KLHL1: variants seen among roughly 807,000 people sequenced by gnomAD.
KLHL1 encodes kelch-like protein 1.
A neutral mutation model predicts 77.7 loss-of-function variants in KLHL1; 47 were observed. The observed-to-expected ratio is 0.60, with a 90% CI of 0.48 to 0.77. KLHL1 has a LOEUF of 0.77. Among genes scored for constraint, KLHL1 ranks in the 30% least tolerant of loss-of-function variants. The probability of loss-of-function intolerance (pLI) is 0.00; values close to 1 mark genes in which losing one functional copy is unlikely to be tolerated. For synonymous variants in KLHL1, 360 were observed against 325.2 expected (o/e 1.11, Z -1.15); for missense variants, 925 against 910.8 (o/e 1.02, Z -0.20).
At chr13:70,073,839 T>G (rs1887198120) in intron 1 of KLHL1, among the ~76,000 whole-genome samples, 1 of 151,944 alleles carries the variant, frequency 6.6e-6, no homozygotes, top group Non-Finnish European at 1.5e-5. Context: ...TTTCTTTTTT[T>G]TTTGAGATGG....
At chr13:69,961,231 C>A in intron 3 of KLHL1, 77 bp downstream of exon 3, 7 of 1,358,206 alleles carry the variant, frequency 5.2e-6, no homozygotes, top group South Asian at 1.4e-5. Context: ...TTTAAAAAAG[C>A]GTTAAATCCT....
At chr13:70,005,713 A>G (rs1041117914) in intron 1 of KLHL1, among the ~76,000 whole-genome samples, 19 of 152,046 alleles carry the variant, frequency 1.2e-4, no homozygotes, top group Non-Finnish European at 2.6e-4. Flanking sequence ...ATTTTAAATG[A>G]AATAAATGCC....
chr13:69,821,084 T>C (rs1383141263), intron 6 of KLHL1, among the ~76,000 whole-genome samples: 1 of 152,068 alleles, frequency 6.6e-6, no homozygotes, highest in African/African-American at 2.4e-5. Context: ...CATTAAAATT[T>C]GAATTTTAAA....
chr13:69,718,815 G>A (rs1050319159), intron 9 of KLHL1, among the ~76,000 whole-genome samples: 1 of 152,080 alleles, frequency 6.6e-6, no homozygotes, highest in African/African-American at 2.4e-5. Flanking sequence ...AGTTATAAGA[G>A]AACCTATGTT....
intron 1 of KLHL1, among the ~76,000 whole-genome samples, chr13:70,056,893 T>C (rs1886756558): frequency 6.6e-6 from 1 of 152,098 alleles, no homozygotes; most frequent in African/African-American, 2.4e-5. Context: ...AACTTATCGG[T>C]TCATTTTAAA....
intron 1 of KLHL1, among the ~76,000 whole-genome samples, chr13:70,031,717 C>G (rs929639677): frequency 3.3e-5 from 5 of 152,116 alleles, no homozygotes; most frequent in African/African-American, 1.2e-4. Flanking sequence ...GAAACAGGCA[C>G]AAAGGCTATT....
At chr13:69,990,225 G>A (rs907434044) in intron 1 of KLHL1, among the ~76,000 whole-genome samples, 8 of 151,882 alleles carry the variant, frequency 5.3e-5, no homozygotes, top group Admixed American at 5.3e-4. Flanking sequence ...ACACACTTAA[G>A]TACACAGACA....
chr13:69,722,665 G>C (rs937146661), intron 8 of KLHL1, among the ~76,000 whole-genome samples: 1 of 151,900 alleles, frequency 6.6e-6, no homozygotes, highest in African/African-American at 2.4e-5. Context: ...ATGCTGATGA[G>C]GATGTGAAAA....
chr13:69,860,074 G>A (rs1469939447), intron 5 of KLHL1, among the ~76,000 whole-genome samples: 2 of 152,056 alleles, frequency 1.3e-5, no homozygotes, highest in Non-Finnish European at 2.9e-5. Flanking sequence ...AAGCTATTTA[G>A]TGTGTTTATA....
intron 4 of KLHL1, among the ~76,000 whole-genome samples, chr13:69,911,022 C>G (rs9529655): frequency 0.59 from 89,496 of 151,886 alleles, 26,366 homozygotes; most frequent in South Asian, 0.66. Flanking sequence ...GAGTAAAATA[C>G]TTCAAAGATC....
intron 4 of KLHL1, among the ~76,000 whole-genome samples, chr13:69,938,453 T>C (rs187979844): frequency 6.6e-6 from 1 of 152,230 alleles, no homozygotes; most frequent in Non-Finnish European, 1.5e-5. Flanking sequence ...AAAAAATTTG[T>C]TACTATTGTG....
At chr13:69,973,511 T>C (rs541350666) in intron 2 of KLHL1, among the ~76,000 whole-genome samples, 8 of 151,844 alleles carry the variant, frequency 5.3e-5, no homozygotes, top group Middle Eastern at 3.4e-3. Context: ...TTAGTGGTAA[T>C]GATTCCAACA....
chr13:70,036,462 CAATT>C (rs1278794487), intron 1 of KLHL1, among the ~76,000 whole-genome samples: 1 of 151,846 alleles, frequency 6.6e-6, no homozygotes, highest in East Asian at 1.9e-4. Context: ...AGTTTTGTAA[CAATT>C]AGTTTTCCAA....
At chr13:69,741,565 C>G (rs1873988195) in intron 7 of KLHL1, among the ~76,000 whole-genome samples, 1 of 152,068 alleles carries the variant, frequency 6.6e-6, no homozygotes, top group Admixed American at 6.6e-5. Flanking sequence ...GCTGGTTCCC[C>G]ACGCCCCAAT....
intron 7 of KLHL1, among the ~76,000 whole-genome samples, chr13:69,785,417 A>G (rs1266568913): frequency 2.6e-5 from 4 of 152,192 alleles, no homozygotes; most frequent in African/African-American, 9.7e-5. Context: ...TGGGTACATA[A>G]CGAAATGAAG....
At chr13:70,042,748 G>A (rs1458955020) in intron 1 of KLHL1, among the ~76,000 whole-genome samples, 1 of 152,076 alleles carries the variant, frequency 6.6e-6, no homozygotes, top group Non-Finnish European at 1.5e-5. Flanking sequence ...TAAGTTAACT[G>A]TAAAACAGCC....
intron 4 of KLHL1, among the ~76,000 whole-genome samples, chr13:69,925,526 A>T (rs1882786957): frequency 1.3e-5 from 2 of 152,192 alleles, no homozygotes; most frequent in Admixed American, 1.3e-4. Context: ...CAGTATCACT[A>T]ATATCACATG....
chr13:69,943,368 A>G (rs976741557), intron 3 of KLHL1, among the ~76,000 whole-genome samples: 1 of 152,140 alleles, frequency 6.6e-6, no homozygotes, highest in African/African-American at 2.4e-5. Context: ...AAAGTAAGAC[A>G]GTAAAGAAAT....
chr13:70,081,733 G>T (rs1887397225), intron 1 of KLHL1, among the ~76,000 whole-genome samples: 1 of 152,134 alleles, frequency 6.6e-6, no homozygotes, highest in Admixed American at 6.5e-5. Context: ...ACAAATACCT[G>T]GATCGTGGCC....
Sources: allele counts gnomAD v4.1 joint callset (sites outside exome capture counted in the v4.1 genomes callset), GRCh38; gene constraint gnomAD v4.1.1; transcripts MANE v1.5; gene names NCBI Gene and HGNC (gene_info 2026-07-23, HGNC 2026-07-21).